UNK: variants seen among roughly 807,000 people sequenced by gnomAD.
UNK encodes RING finger protein unkempt homolog.
A neutral mutation model predicts 97.6 loss-of-function variants in UNK; 32 were observed. That is an observed-to-expected ratio of 0.33 (90% confidence interval 0.25 to 0.44). UNK has a LOEUF of 0.44. UNK is among the 20% of genes least tolerant of loss of function. The pLI, the probability that UNK is intolerant of heterozygous loss-of-function variation, is 1.00. For synonymous variants in UNK, 441 were observed against 461.2 expected, an observed-to-expected ratio of 0.96 and a Z score of 0.56; for missense variants, 771 against 1,098.4, an observed-to-expected ratio of 0.70 and a Z score of 4.21.
At chr17:75,810,134 C>CG (rs1296020256) in intron 2 of UNK, among the ~76,000 whole-genome samples, 165 bp downstream of exon 2, 1 of 152,230 alleles carries the variant, frequency 6.6e-6, no homozygotes, top group African/African-American at 2.4e-5. Flanking sequence ...CGGTAGGCTG[C>CG]GGGGAGGTAC....
In UNK at chr17:75,818,238, CG is replaced by C; in HGVS notation, c.1371+74del. On this transcript the variant is annotated intron_variant, in intron 10 of 15. Coordinates refer to ENST00000589666, the MANE Select transcript of UNK (RefSeq NM_001080419.3). The surrounding 1 kb of genome is among the most constrained non-coding windows in gnomAD (Gnocchi z 5.1). ...AGTGGCCCAGAACCCCAGGAGGCTT[CG>C]GGGAGTGGGAGGCACCACTTTTCCC... The C allele has an allele frequency of 1.3e-6, 2 of 1,559,056 alleles. No individual in the cohort carries two copies. Among genetic ancestry groups the C allele is most frequent in the Middle Eastern group, 3.4e-4 (2 of 5,952 alleles).
intron 1 of UNK, among the ~76,000 whole-genome samples, chr17:75,806,177 C>G (rs536364769): frequency 6.6e-6 from 1 of 151,982 alleles, no homozygotes; most frequent in South Asian, 2.1e-4. Context: ...GTTTGCTGGC[C>G]GGGCACAGGG....
intron 1 of UNK, among the ~76,000 whole-genome samples, chr17:75,789,618 G>C (rs2061744969): frequency 6.6e-6 from 1 of 152,208 alleles, no homozygotes; most frequent in African/African-American, 2.4e-5. Flanking sequence ...TTACAGGCAT[G>C]AACCACTGCG....
intron 1 of UNK, chr17:75,785,248 C>G (rs1170668668): frequency 4.5e-6 from 2 of 447,352 alleles, no homozygotes; most frequent in East Asian, 8.5e-5. Context: ...TGCACTCTCC[C>G]TAGGCCAGGC....
rs1555597703 is a variant in UNK, at chr17:75,822,671, G to A, written c.2019+13G>A. 6.3e-6 allele frequency: 10 copies of A among 1,582,592 alleles called. No individual in the cohort carries two copies. Among genetic ancestry groups the A allele is most frequent in the Admixed American group, 1.7e-5 (1 of 57,286 alleles). ...GCAGGCCAAGCAGGTACCAGGCCCCGTGCCTGCCGGCCTTCCCCAGTGCCA... is the reference window on the plus strand; with the variant it reads ...GCAGGCCAAGCAGGTACCAGGCCCCATGCCTGCCGGCCTTCCCCAGTGCCA... On this transcript the variant is annotated intron_variant, in intron 14 of 15. Coordinates refer to ENST00000589666, the MANE Select transcript of UNK (RefSeq NM_001080419.3).
chr17:75,823,529 C>A lies in UNK; in HGVS notation c.2277+7C>A. On this transcript the variant is annotated splice_region_variant and intron_variant, in intron 15 of 15. Coordinates refer to ENST00000589666, the MANE Select transcript of UNK (RefSeq NM_001080419.3). ...CCTGGAACAAGTGGACAAGGTCAGC[C>A]CAGGTCGGGGAGCACTGGGTGGGAT... is the stretch of plus-strand genomic sequence containing the variant. 6.5e-7 allele frequency: 1 copy of A among 1,542,068 alleles called. No individual in the cohort carries two copies. Among genetic ancestry groups the A allele is most frequent in the Admixed American group, 1.9e-5 (1 of 53,242 alleles).
chr17:75,808,398 A>T (rs2061937892), intron 1 of UNK, among the ~76,000 whole-genome samples: 1 of 152,138 alleles, frequency 6.6e-6, no homozygotes, highest in African/African-American at 2.4e-5. Context: ...TGAAATTTGC[A>T]GTTTGCCTCC....
intron 1 of UNK, chr17:75,793,732 C>T (rs761282504): frequency 2.5e-4 from 242 of 985,282 alleles, no homozygotes; most frequent in Non-Finnish European, 2.8e-4. Context: ...GCATTTGAAA[C>T]ACCATATAGC....
chr17:75,785,569 C>G (rs948081659), intron 1 of UNK: 4 of 152,512 alleles, frequency 2.6e-5, no homozygotes, highest in Non-Finnish European at 5.9e-5. Context: ...GCGGGCTGTG[C>G]GGAGCCTGAG....
rs1237816310 is a variant in UNK, at chr17:75,825,328, CCT to C, written c.*916_*917del. The C allele has an allele frequency of 1.3e-5, 2 of 152,596 alleles. No individual in the cohort carries two copies. Among genetic ancestry groups the C allele is most frequent in the Non-Finnish European group, 2.9e-5 (2 of 68,138 alleles). 9.5% of individuals were successfully genotyped at this position (152,596 alleles called of 1,614,324 possible). A position where few individuals can be genotyped will look rare whatever the true frequency, so the allele number is the denominator to read the frequency against. ...GCCCCCAGCTCTCCCTGCCCCCTCC[CCT>C]CTCTGGCAGCTAGCAGGGCAATTGG... is the stretch of plus-strand genomic sequence containing the variant. On this transcript the variant is annotated 3_prime_UTR_variant, in exon 16 of 16. Coordinates refer to ENST00000589666, the MANE Select transcript of UNK (RefSeq NM_001080419.3). The surrounding 1 kb of genome is among the most constrained non-coding windows in gnomAD (Gnocchi z 4.4).
intron 1 of UNK, among the ~76,000 whole-genome samples, chr17:75,799,002 C>A (rs1270677319): frequency 1.3e-5 from 2 of 151,390 alleles, no homozygotes; most frequent in Admixed American, 6.6e-5. Context: ...GGAGGCGGAG[C>A]TTGCAGTGAG....
chr17:75,790,105 T>G (rs1162255886), intron 1 of UNK, among the ~76,000 whole-genome samples: 2 of 152,134 alleles, frequency 1.3e-5, no homozygotes, highest in Non-Finnish European at 2.9e-5. Context: ...ATCGCGCCAT[T>G]GCACTCCAGC....
At chr17:75,792,004 A>G in intron 1 of UNK, 4 of 985,420 alleles carry the variant, frequency 4.1e-6, no homozygotes, top group Non-Finnish European at 4.8e-6. Flanking sequence ...GCTTTTCAAC[A>G]CCCTGATGCC....
chr17:75,821,946 C>T (rs1414170349), intron 13 of UNK: 4 of 338,868 alleles, frequency 1.2e-5, no homozygotes, highest in East Asian at 1.6e-4. Flanking sequence ...CTTGGTAAAA[C>T]ATTTTATCCA....
chr17:75,813,554 G>A (rs2061989596), intron 5 of UNK, among the ~76,000 whole-genome samples: 1 of 152,204 alleles, frequency 6.6e-6, no homozygotes, highest in Non-Finnish European at 1.5e-5. Flanking sequence ...GCCTGGCTGA[G>A]GGGAATCAAA....
chr17:75,789,340 CT>C (rs887547580), intron 1 of UNK, among the ~76,000 whole-genome samples: 11 of 147,782 alleles, frequency 7.4e-5, no homozygotes, highest in East Asian at 2.0e-4. Context: ...CACATGACCT[CT>C]TTTTTTTTTT....
Position 75,812,484 on chromosome 17 carries a change from A to T in UNK, c.521A>T (p.Asn174Ile). 1 of 1,612,248 alleles carries T rather than the reference A, an allele frequency of 6.2e-7. No individual in the cohort carries two copies. The highest frequency in any genetic ancestry group is 8.5e-7 in the Non-Finnish European group (1 of 1,179,642). Residue 174 changes from asparagine to isoleucine, a missense_variant, in exon 4 of 16, where the codon AAT becomes ATT. Physicochemically the swap from Asn to Ile is moderately radical, Grantham distance 149. Coordinates refer to ENST00000589666, the MANE Select transcript of UNK (RefSeq NM_001080419.3). Reference protein sequence around the residue: ...RELQAMEALQNGQTTVEGSIE... With the variant: ...RELQAMEALQIGQTTVEGSIE... The stretch of plus-strand genomic sequence containing the variant: ...CTTCAGGCCATGGAGGCCTTGCAGA[A>T]TGGCCAGACCACGGTAGAGGGGAGC...
At chr17:75,823,240 A>G in intron 14 of UNK, 25 bp from the exon 15 acceptor site, 1 of 1,572,446 alleles carries the variant, frequency 6.4e-7, no homozygotes, top group South Asian at 1.1e-5. Context: ...GGCCATTGTG[A>G]TGAGACTGTA....
chr17:75,794,054 A>G (rs753090534), intron 1 of UNK: 8 of 985,280 alleles, frequency 8.1e-6, no homozygotes, highest in Non-Finnish European at 9.6e-6. Flanking sequence ...GAATCAGACC[A>G]TCTAAATATA....
Sources: gnomAD v4.1 joint callset for allele counts (sites outside exome capture counted in the v4.1 genomes callset) on GRCh38, gnomAD v4.1.1 for gene constraint, Gnocchi (gnomAD v3.1) non-coding constraint, MANE v1.5 for transcripts, NCBI Gene and HGNC (gene_info 2026-07-23, HGNC 2026-07-21) for gene names.